The following ADCY3 variants were observed in gnomAD, a reference collection of about 807,000 sequenced individuals.
The protein encoded by ADCY3 is adenylate cyclase type 3.
In ADCY3, 70 loss-of-function variants were observed where a neutral mutation model predicts 119.4. That is an observed-to-expected ratio of 0.59 (90% CI 0.48 to 0.72). The LOEUF (loss-of-function observed/expected upper bound fraction) is 0.72. Among genes scored for constraint, ADCY3 ranks in the 30% least tolerant of loss-of-function variants. The probability of loss-of-function intolerance (pLI) is 0.00; values close to 1 mark genes in which losing one functional copy is unlikely to be tolerated. For synonymous variants in ADCY3, 672 were observed against 621.4 expected (o/e 1.08, Z -1.21); for missense variants, 1,238 against 1,541.6 (o/e 0.80, Z 3.30).
intron 3 of ADCY3, among the ~76,000 whole-genome samples, chr2:24,851,021 G>A (rs1305031627): frequency 6.6e-6 from 1 of 152,226 alleles, no homozygotes; most frequent in East Asian, 1.9e-4. Flanking sequence ...TTGCTATAGG[G>A]TGCTGGTGGT....
rs371769037 is a variant in ADCY3, at chr2:24,854,166, T to C, written c.826-11782A>G. Among the ~76,000 whole-genome samples, 6 of 152,334 alleles carry C rather than the reference T, an allele frequency of 3.9e-5. No homozygotes were observed. The South Asian group carries it at 6.2e-4, about 16-fold the overall frequency. On this transcript the variant is annotated intron_variant, in intron 3 of 21. Transcript: ENST00000679454. ...GTGGCAGGGTTCCAGAGAACCGGAC[T>C]GTGGAAAAAGGACCCTTCCTTCACT... is the stretch of plus-strand genomic sequence containing the variant.
intron 21 of ADCY3, 122 bp from the exon 22 acceptor site, chr2:24,820,236 T>G (rs1667372615): frequency 2.6e-6 from 3 of 1,171,210 alleles, no homozygotes; most frequent in African/African-American, 1.6e-5. Flanking sequence ...TACGGGACAC[T>G]CCCCAAACCT....
intron 3 of ADCY3, among the ~76,000 whole-genome samples, chr2:24,857,313 C>G (rs1019500604): frequency 1.3e-5 from 2 of 152,220 alleles, no homozygotes; most frequent in Non-Finnish European, 2.9e-5. Flanking sequence ...GCCCTCACCA[C>G]GAATTATTTG....
Position 24,819,742 on chromosome 2 carries a change from A to G in ADCY3, c.*190T>C. ...TGCCTAAGACCCCTATGCTGGGGAC[A>G]CTACAGGCACACACAGGAATAGCAG... On this transcript the variant is annotated 3_prime_UTR_variant, in exon 22 of 22. Transcript: ENST00000679454. The G allele has an allele frequency of 1.6e-6, 1 of 617,064 alleles. No individual in the cohort carries two copies. Among genetic ancestry groups the G allele is most frequent in the Non-Finnish European group, 2.8e-6 (1 of 353,734 alleles). The allele number at this position is 617,064 out of a possible 1,614,324, so 38.2% of individuals were successfully genotyped here. A position where few individuals can be genotyped will look rare whatever the true frequency, so the allele number is the denominator to read the frequency against.
At chr2:24,912,585 G>A (rs574120561) in intron 2 of ADCY3, among the ~76,000 whole-genome samples, 2 of 40,124 alleles carry the variant, frequency 5.0e-5, no homozygotes, top group African/African-American at 8.9e-4. Flanking sequence ...GTGTGTGTGT[G>A]CATGTGTGTG....
chr2:24,851,264 T>C (rs1379377615), intron 3 of ADCY3, among the ~76,000 whole-genome samples: 2 of 151,848 alleles, frequency 1.3e-5, no homozygotes, highest in East Asian at 3.9e-4. Flanking sequence ...ACAGCCAAAA[T>C]GGGGGTGGGG....
Position 24,919,086 on chromosome 2 carries a change from G to C in ADCY3, c.-99C>G. 9 of 1,291,860 alleles carry C rather than the reference G, an allele frequency of 7.0e-6. No individual in the cohort carries two copies. The South Asian group carries it at 1.4e-4, about 20-fold the overall frequency. The allele number at this position is 1,291,860 out of a possible 1,614,324, so 80.0% of individuals were successfully genotyped here. A position where few individuals can be genotyped will look rare whatever the true frequency, so the allele number is the denominator to read the frequency against. Reference sequence around the variant, plus strand: ...CTCAGGGCTCTCTGAGACCGGGGGAGGGCTGAGGGCCTCTTCTTGTCTGGG... The same window carrying C: ...CTCAGGGCTCTCTGAGACCGGGGGACGGCTGAGGGCCTCTTCTTGTCTGGG... On this transcript the variant is annotated 5_prime_UTR_variant, in exon 2 of 22. Transcript: ENST00000679454. The surrounding 1 kb of genome is among the most constrained non-coding windows in gnomAD (Gnocchi z 5.5).
Position 24,832,734 on chromosome 2 carries a change from T to C in ADCY3, c.1968-985A>G, listed in dbSNP as rs1669768073. Among the ~76,000 whole-genome samples the C allele has an allele frequency of 2.6e-5, 4 of 152,342 alleles. No homozygotes were observed. The South Asian group carries it at 8.3e-4, about 32-fold the overall frequency. ...TGCAGCACAGCCTGCATGCTGGTGATGCCAGGTTCACGTCTCCAACCCCAC... is the reference window on the plus strand; with the variant it reads ...TGCAGCACAGCCTGCATGCTGGTGACGCCAGGTTCACGTCTCCAACCCCAC... On this transcript the variant is annotated intron_variant, in intron 11 of 21. Transcript: ENST00000679454.
At chr2:24,917,063 A>G (rs1239711509) in intron 2 of ADCY3, among the ~76,000 whole-genome samples, 1 of 152,226 alleles carries the variant, frequency 6.6e-6, no homozygotes, top group Non-Finnish European at 1.5e-5. Context: ...TCCTCTACCC[A>G]TTTCTAGAAC....
intron 13 of ADCY3, 40 bp from the exon 14 acceptor site, chr2:24,828,201 G>A (rs557497923): frequency 3.1e-6 from 5 of 1,605,536 alleles, no homozygotes; most frequent in Non-Finnish European, 4.3e-6. Context: ...ACGTTCAAGA[G>A]AACAGCAGGT....
rs997492779 is a variant in ADCY3, at chr2:24,872,332, G to T, written c.825+238C>A. On this transcript the variant is annotated intron_variant, in intron 3 of 21. Coordinates refer to ENST00000679454, the MANE Select transcript of ADCY3 (RefSeq NM_004036.5). The surrounding 1 kb of genome is among the most constrained non-coding windows in gnomAD (Gnocchi z 4.4). ...CAAAACAAAGAGCAGGAAGGCAGAA[G>T]AGGAGAGATCTGGGTCAAGCAGAAG... Among the ~76,000 whole-genome samples the T allele has an allele frequency of 6.6e-6, 1 of 152,244 alleles. No individual in the cohort carries two copies. Among genetic ancestry groups the T allele is most frequent in the African/African-American group, 2.4e-5 (1 of 41,460 alleles).
At chr2:24,861,996 G>GGTAAA (rs1673719160) in intron 3 of ADCY3, among the ~76,000 whole-genome samples, 1 of 152,230 alleles carries the variant, frequency 6.6e-6, no homozygotes, top group Non-Finnish European at 1.5e-5. Flanking sequence ...AGACCAGAGA[G>GGTAAA]GTAAAGTACC....
At chr2:24,822,870 G>A (rs949417344) in intron 18 of ADCY3, among the ~76,000 whole-genome samples, 2 of 152,134 alleles carry the variant, frequency 1.3e-5, no homozygotes, top group Non-Finnish European at 2.9e-5. Context: ...GGGGGGCTCC[G>A]CGCGTGTGTA....
At chr2:24,828,548 C>T (rs906175732) in intron 13 of ADCY3, among the ~76,000 whole-genome samples, 2 of 152,180 alleles carry the variant, frequency 1.3e-5, no homozygotes, top group Non-Finnish European at 2.9e-5. Context: ...GCCACGGGAC[C>T]ATGAGCCCCA....
chr2:24,858,658 A>G (rs1673287706), intron 3 of ADCY3, among the ~76,000 whole-genome samples: 1 of 152,250 alleles, frequency 6.6e-6, no homozygotes, highest in African/African-American at 2.4e-5. Context: ...ACAATGCACA[A>G]TTCTACAATT....
At chr2:24,843,588 T>C (rs2148595771) in intron 3 of ADCY3, among the ~76,000 whole-genome samples, 1 of 152,356 alleles carries the variant, frequency 6.6e-6, no homozygotes, top group Non-Finnish European at 1.5e-5. Context: ...AGAGACCGTA[T>C]GGCCCACAGA....
chr2:24,822,967 G>T (rs1350567029), intron 18 of ADCY3, among the ~76,000 whole-genome samples: 1 of 152,198 alleles, frequency 6.6e-6, no homozygotes, highest in African/African-American at 2.4e-5. Flanking sequence ...GAGAGGTCTC[G>T]AGATGTTGCT....
chr2:24,916,958 G>T (rs1332723343), intron 2 of ADCY3, among the ~76,000 whole-genome samples: 1 of 152,248 alleles, frequency 6.6e-6, no homozygotes, highest in African/African-American at 2.4e-5. Flanking sequence ...AAAGTGCTGG[G>T]TGACAGTGAA....
chr2:24,828,700 C>G (rs936886035), intron 13 of ADCY3, among the ~76,000 whole-genome samples: 28 of 152,338 alleles, frequency 1.8e-4, no homozygotes, highest in Admixed American at 1.6e-3. Context: ...CGGAATCAAC[C>G]CCCCCTTTTT....
Sources: gnomAD v4.1 joint callset for allele counts (sites outside exome capture counted in the v4.1 genomes callset) on GRCh38, gnomAD v4.1.1 for gene constraint, Gnocchi (gnomAD v3.1) non-coding constraint, MANE v1.5 for transcripts, NCBI Gene and HGNC (gene_info 2026-07-23, HGNC 2026-07-21) for gene names.